ANGPT2: variants seen among roughly 807,000 people sequenced by gnomAD.
ANGPT2 encodes angiopoietin 2.
A neutral mutation model predicts 62.9 loss-of-function variants in ANGPT2; 28 were observed. The observed-to-expected ratio is 0.44, with a 90% CI of 0.33 to 0.61. The LOEUF is 0.61. ANGPT2 is among the 20% of genes least tolerant of loss of function. ANGPT2 has a pLI of 0.03. For synonymous variants in ANGPT2, 284 were observed against 207.8 expected, an observed-to-expected ratio of 1.37 and a Z score of -3.15; for missense variants, 727 against 594.9, an observed-to-expected ratio of 1.22 and a Z score of -2.31.
chr8:6,560,066 C>G (rs970844534), intron 1 of ANGPT2, among the ~76,000 whole-genome samples: 4 of 152,216 alleles, frequency 2.6e-5, no homozygotes, highest in Admixed American at 1.3e-4. Flanking sequence ...GGTTGAACTA[C>G]TATTTATTTG....
At chr8:6,524,147 T>G (rs1405458784) in intron 3 of ANGPT2, among the ~76,000 whole-genome samples, 1 of 152,198 alleles carries the variant, frequency 6.6e-6, no homozygotes, top group Non-Finnish European at 1.5e-5. Flanking sequence ...TTAGTACACA[T>G]GAATTTGCAC....
chr8:6,542,133 A>G (rs761755014), intron 1 of ANGPT2, among the ~76,000 whole-genome samples: 2 of 152,248 alleles, frequency 1.3e-5, no homozygotes, highest in Non-Finnish European at 2.9e-5. Flanking sequence ...TTTAAATGAA[A>G]CTAGAGCGTT....
At chr8:6,551,306 G>C (rs566319188) in intron 1 of ANGPT2, among the ~76,000 whole-genome samples, 1 of 152,294 alleles carries the variant, frequency 6.6e-6, no homozygotes, top group African/African-American at 2.4e-5. Context: ...AAGGGGAAAG[G>C]AAGAATAGTG....
chr8:6,559,432 T>G (rs758760477), intron 1 of ANGPT2, among the ~76,000 whole-genome samples: 2 of 152,196 alleles, frequency 1.3e-5, no homozygotes, highest in Non-Finnish European at 2.9e-5. Flanking sequence ...GATACACTAT[T>G]ATTACTTTTA....
chr8:6,551,668 A>AT, intron 1 of ANGPT2, among the ~76,000 whole-genome samples: 1 of 152,314 alleles, frequency 6.6e-6, no homozygotes, highest in Non-Finnish European at 1.5e-5. Flanking sequence ...GTCATTAACA[A>AT]TTTTTTATAT....
chr8:6,532,772 G>A (rs1015620337), intron 1 of ANGPT2, among the ~76,000 whole-genome samples: 1 of 152,174 alleles, frequency 6.6e-6, no homozygotes, highest in African/African-American at 2.4e-5. Context: ...TGTCATGGCA[G>A]GCCACAGAGG....
At position 6,535,928 on chromosome 8, in the gene ANGPT2, G is replaced by A. The variant is rs149745314; in HGVS notation, c.289-3441C>T. Among the ~76,000 whole-genome samples the A allele has an allele frequency of 2.3e-3, 344 of 151,978 alleles. 2 individuals are homozygous for A. The highest frequency in any genetic ancestry group is 7.7e-3 in the African/African-American group (318 of 41,452). ...AAAAATTAGCTTGGCCTGGTAGTGC[G>A]AGCCTGTAGTCTCAGGTACTGGGGA... is the stretch of plus-strand genomic sequence containing the variant. On this transcript the variant is annotated intron_variant, in intron 1 of 8. Coordinates refer to ENST00000629816, the MANE Select transcript of ANGPT2 (RefSeq NM_001118887.2).
At chr8:6,536,411 C>CA (rs60726847) in intron 1 of ANGPT2, among the ~76,000 whole-genome samples, 106,413 of 151,894 alleles carry the variant, frequency 0.7, 37,435 homozygotes, top group Non-Finnish European at 0.73. Flanking sequence ...TTTTAAGAGC[C>CA]AAAGTGATAT....
chr8:6,523,741 C>G (rs1234790541), intron 3 of ANGPT2, among the ~76,000 whole-genome samples: 1 of 152,144 alleles, frequency 6.6e-6, no homozygotes, highest in African/African-American at 2.4e-5. Context: ...AGGTGTGCCA[C>G]CACGCCCAGC....
chr8:6,513,560 C>G (rs1476406459), intron 7 of ANGPT2, 118 bp downstream of exon 7: 1 of 673,326 alleles, frequency 1.5e-6, no homozygotes. Context: ...GTCTCAATCT[C>G]CTGACCTCGT....
At chr8:6,518,175 G>T (rs898753010) in intron 5 of ANGPT2, among the ~76,000 whole-genome samples, 1 of 152,142 alleles carries the variant, frequency 6.6e-6, no homozygotes. Context: ...ATGGTTAGCG[G>T]CTGTCCCTCT....
intron 1 of ANGPT2, among the ~76,000 whole-genome samples, chr8:6,548,950 G>A (rs1410633605): frequency 6.6e-6 from 1 of 152,174 alleles, no homozygotes; most frequent in South Asian, 2.1e-4. Flanking sequence ...ATAACCTGGG[G>A]GGAATTATGT....
chr8:6,500,021 G>T lies in ANGPT2; in HGVS notation c.*3080C>A, dbSNP rs1811842248. 1 of 1,073,882 alleles carries T rather than the reference G, an allele frequency of 9.3e-7. No homozygotes were observed. Among genetic ancestry groups the T allele is most frequent in the South Asian group, 1.3e-5 (1 of 79,158 alleles). 66.5% of individuals were successfully genotyped at this position (1,073,882 alleles called of 1,614,324 possible). On this transcript the variant is annotated 3_prime_UTR_variant, in exon 9 of 9. Transcript: ENST00000629816. ...AAGGGTGGACTTAAGTTTTTATCCA[G>T]TCAAGCACAATTATGCCCATAATTA...
chr8:6,507,312 G>A (rs897975135), intron 8 of ANGPT2, among the ~76,000 whole-genome samples: 1 of 152,084 alleles, frequency 6.6e-6, no homozygotes, highest in Non-Finnish European at 1.5e-5. Context: ...TGGTTTTCCT[G>A]GGTGGGTAAC....
At position 6,503,207 on chromosome 8, in the gene ANGPT2, T is replaced by C. The variant is rs1481486445; in HGVS notation, c.1382A>G (p.Gln461Arg). Residue 461 changes from glutamine (Q) to arginine (R), a missense_variant, in exon 9 of 9, where the codon CAG (glutamine) becomes CGG (arginine). Gln to Arg is a conservative substitution (Grantham distance 43). Coordinates refer to ENST00000629816, the MANE Select transcript of ANGPT2 (RefSeq NM_001118887.2). ...GTTGAACTTATTTGTGTTCTGCCTC[T>C]GTGGATAGTACATTCCGTTCAAGTT... Reference protein sequence around the residue: ...PSNLNGMYYPQRQNTNKFNGI... With the variant: ...PSNLNGMYYPRRQNTNKFNGI... 3.7e-6 allele frequency: 6 copies of C among 1,614,230 alleles called. No homozygotes were observed. The highest frequency in any genetic ancestry group is 5.1e-6 in the Non-Finnish European group (6 of 1,180,040).
At chr8:6,559,132 G>T (rs903325153) in intron 1 of ANGPT2, among the ~76,000 whole-genome samples, 1 of 151,878 alleles carries the variant, frequency 6.6e-6, no homozygotes, top group Admixed American at 6.6e-5. Flanking sequence ...GCTGTGAATG[G>T]GATGGGATTT....
rs1818569585 is a variant in ANGPT2, at chr8:6,527,576, T to A, written c.545A>T (p.Asn182Ile). 1.9e-6 allele frequency: 3 copies of A among 1,613,992 alleles called. No individual in the cohort carries two copies. The highest frequency in any genetic ancestry group is 2.5e-6 in the Non-Finnish European group (3 of 1,179,942). The change falls in exon 3 of 9, where the codon AAC becomes ATC. Residue 182 changes from asparagine (N) to isoleucine (I), a missense_variant. Physicochemically the swap from Asn to Ile is moderately radical, Grantham distance 149 (BLOSUM62 -3). Coordinates refer to ENST00000629816, the MANE Select transcript of ANGPT2 (RefSeq NM_001118887.2). ...TTACCTGTTCTTATCTTGCAATTTG[T>A]TTATTTCACTGGTCTGGTCCAAAAT... ...KQILDQTSEI[N>I]KLQDKNSFLE...
intron 3 of ANGPT2, among the ~76,000 whole-genome samples, chr8:6,527,287 G>T (rs142447071): frequency 5.2e-4 from 79 of 152,228 alleles, no homozygotes; most frequent in African/African-American, 1.8e-3. Context: ...TTAGCATGCA[G>T]AATACTGAGG....
In ANGPT2 at chr8:6,519,969, T is replaced by C. The variant is rs1312692715; in HGVS notation, c.822A>G (p.Lys274=). The C allele has an allele frequency of 2.5e-6, 4 of 1,614,068 alleles. No individual in the cohort carries two copies. The highest frequency in any genetic ancestry group is 2.5e-6 in the Non-Finnish European group (3 of 1,180,016). Reference sequence around the variant, plus strand: ...AGTCTCTGAAGCTGATTTGTTCTTCTTTAGCAACAGTGGGGTCCTTAGCTG... The same window carrying C: ...AGTCTCTGAAGCTGATTTGTTCTTCCTTAGCAACAGTGGGGTCCTTAGCTG... ...TSNSKDPTVA[K]EEQISFRDCA... is the part of the protein sequence containing the mutation. Residue 274 remains lysine, a synonymous_variant, in exon 5 of 9, where the codon AAA becomes AAG. Coordinates refer to ENST00000629816, the MANE Select transcript of ANGPT2 (RefSeq NM_001118887.2).
Sources: allele counts gnomAD v4.1 joint callset (sites outside exome capture counted in the v4.1 genomes callset), GRCh38; gene constraint gnomAD v4.1.1; transcripts MANE v1.5; gene names NCBI Gene and HGNC (gene_info 2026-07-23, HGNC 2026-07-21).